TAOK3: variants seen among roughly 807,000 people sequenced by gnomAD.
The protein encoded by TAOK3 is TAO kinase 3.
A neutral mutation model predicts 120.4 loss-of-function variants in TAOK3; 40 were observed. That is an observed-to-expected ratio of 0.33 (90% confidence interval 0.26 to 0.43). The LOEUF (loss-of-function observed/expected upper bound fraction) is 0.43, where lower values mean the gene tolerates loss of function less well. Among genes scored for constraint, TAOK3 ranks in the 20% least tolerant of loss-of-function variants. The pLI is 1.00. For missense variants in TAOK3, 821 were observed against 1,112.1 expected (o/e 0.74, Z 3.72); for synonymous variants, 355 against 387.5 (o/e 0.92, Z 0.99).
intron 14 of TAOK3, among the ~76,000 whole-genome samples, chr12:118,182,382 C>G (rs943437451): frequency 2.0e-5 from 3 of 151,780 alleles, no homozygotes; most frequent in Admixed American, 6.6e-5. Flanking sequence ...CTACTGACAA[C>G]GAGCCCGATA....
At chr12:118,280,863 CTGATT>C (rs1475844950) in intron 1 of TAOK3, among the ~76,000 whole-genome samples, 3 of 152,150 alleles carry the variant, frequency 2.0e-5, no homozygotes, top group Non-Finnish European at 4.4e-5. Flanking sequence ...TTTGTCATCT[CTGATT>C]TATTTAAGCA....
At chr12:118,153,122 C>A (rs1030683461) in intron 19 of TAOK3, among the ~76,000 whole-genome samples, 2 of 152,194 alleles carry the variant, frequency 1.3e-5, no homozygotes, top group Non-Finnish European at 2.9e-5. Flanking sequence ...GGTTCAAAAT[C>A]TCTTCCCTGG....
chr12:118,309,940 C>T (rs1443830939), intron 1 of TAOK3, among the ~76,000 whole-genome samples: 1 of 151,976 alleles, frequency 6.6e-6, no homozygotes, highest in Non-Finnish European at 1.5e-5. Context: ...CTTATTCTTT[C>T]CCCCCATAGG....
chr12:118,369,875 C>T (rs890302993), intron 1 of TAOK3, among the ~76,000 whole-genome samples: 6 of 152,034 alleles, frequency 3.9e-5, no homozygotes, highest in Non-Finnish European at 7.4e-5. Context: ...TTCTAGTTAG[C>T]GGAATTTTTT....
At chr12:118,345,232 T>A (rs1053017385) in intron 1 of TAOK3, among the ~76,000 whole-genome samples, 7 of 152,208 alleles carry the variant, frequency 4.6e-5, no homozygotes, top group African/African-American at 1.7e-4. Context: ...TAAAAAATGA[T>A]ACAAAGTAGA....
intron 2 of TAOK3, among the ~76,000 whole-genome samples, chr12:118,265,245 C>T (rs71452642): frequency 0.11 from 16,125 of 151,576 alleles, 1,167 homozygotes; most frequent in South Asian, 0.18. Context: ...AAAAACTAGC[C>T]GGGCATGGTG....
chr12:118,322,502 A>C (rs556953246), intron 1 of TAOK3, among the ~76,000 whole-genome samples: 1 of 152,024 alleles, frequency 6.6e-6, no homozygotes, highest in Non-Finnish European at 1.5e-5. Flanking sequence ...AAGCTCCTGT[A>C]ATCTTTTAGG....
intron 11 of TAOK3, among the ~76,000 whole-genome samples, chr12:118,205,696 T>C (rs1033800411): frequency 4.6e-5 from 7 of 152,154 alleles, no homozygotes; most frequent in Non-Finnish European, 1.0e-4. Context: ...CTGCAAACTC[T>C]GCCTCCCAGG....
chr12:118,311,089 T>C lies in TAOK3; in HGVS notation c.-193-44330A>G, dbSNP rs1204524180. 2.0e-5 allele frequency among the ~76,000 whole-genome samples: 3 copies of C among 152,068 alleles called. No individual in the cohort carries two copies. In the East Asian group the frequency reaches 5.8e-4, roughly 29 times the overall value. ...ATTAATGAACTGTGTCCAGCAAAGG[T>C]TTATACTGGCCTTTCCTTCAAAATT... On this transcript the variant is annotated intron_variant, in intron 1 of 20. Coordinates refer to ENST00000392533, the MANE Select transcript of TAOK3 (RefSeq NM_016281.4).
chr12:118,259,927 A>G (rs1034915280), intron 2 of TAOK3, among the ~76,000 whole-genome samples: 14 of 152,146 alleles, frequency 9.2e-5, no homozygotes, highest in Admixed American at 8.5e-4. Flanking sequence ...ACCTTAGACC[A>G]GGGGAAAAAA....
intron 13 of TAOK3, chr12:118,198,299 A>G (rs1286255347): frequency 6.6e-6 from 1 of 151,820 alleles, no homozygotes; most frequent in Non-Finnish European, 1.5e-5. Context: ...ATTTCTGCTT[A>G]AATGTCACCT....
chr12:118,189,222 A>C (rs751840073), intron 14 of TAOK3, among the ~76,000 whole-genome samples: 3 of 152,192 alleles, frequency 2.0e-5, no homozygotes, highest in Non-Finnish European at 4.4e-5. Context: ...AATGAACCAG[A>C]AGGAACCAGC....
At chr12:118,266,498 G>A (rs1451616640) in intron 2 of TAOK3, among the ~76,000 whole-genome samples, 157 bp downstream of exon 2, 3 of 151,796 alleles carry the variant, frequency 2.0e-5, no homozygotes, top group Non-Finnish European at 1.5e-5. Context: ...CACCGCACCC[G>A]GCCAAAGATT....
chr12:118,246,605 C>T (rs1392167460), intron 3 of TAOK3: 14 of 1,573,044 alleles, frequency 8.9e-6, no homozygotes, highest in African/African-American at 1.4e-5. Flanking sequence ...GGAACAAGAT[C>T]GGCAAGCCCC....
At chr12:118,356,177 T>C (rs2045382213) in intron 1 of TAOK3, among the ~76,000 whole-genome samples, 1 of 152,148 alleles carries the variant, frequency 6.6e-6, no homozygotes, top group African/African-American at 2.4e-5. Flanking sequence ...TGAAGGAGAA[T>C]GGGACACTAC....
intron 1 of TAOK3, among the ~76,000 whole-genome samples, chr12:118,357,673 C>A (rs921941313): frequency 5.9e-5 from 9 of 152,288 alleles, no homozygotes; most frequent in African/African-American, 2.2e-4. Flanking sequence ...TCTGTCATCA[C>A]GAAGCACCAC....
intron 1 of TAOK3, among the ~76,000 whole-genome samples, chr12:118,343,574 C>G (rs2044723229): frequency 6.6e-6 from 1 of 151,988 alleles, no homozygotes; most frequent in Non-Finnish European, 1.5e-5. Context: ...GTATGGGGTG[C>G]ACCTGCAAAC....
Position 118,371,717 on chromosome 12 carries a change from C to T in TAOK3, c.-194+931G>A, listed in dbSNP as rs2045900124. 6.6e-6 allele frequency among the ~76,000 whole-genome samples: 1 copy of T among 152,170 alleles called. No homozygotes were observed. Among genetic ancestry groups the T allele is most frequent in the South Asian group, 2.1e-4 (1 of 4,832 alleles). Reference sequence around the variant, plus strand: ...GGCTCCCGCAACTCAGCGGGCGCGACCCCCCGCCCGCTCCCTCGCTGCTCA... The same window carrying T: ...GGCTCCCGCAACTCAGCGGGCGCGATCCCCCGCCCGCTCCCTCGCTGCTCA... On this transcript the variant is annotated intron_variant, in intron 1 of 20. Transcript: ENST00000392533. This position sits in a 1 kb window ranked among gnomAD's most constrained non-coding sequence, Gnocchi z 5.5.
chr12:118,355,783 T>C (rs561620611), intron 1 of TAOK3, among the ~76,000 whole-genome samples: 4 of 152,322 alleles, frequency 2.6e-5, no homozygotes, highest in African/African-American at 9.6e-5. Context: ...TCCTTTACAG[T>C]GTGTGGCCAA....
Sources: allele counts gnomAD v4.1 joint callset (sites outside exome capture counted in the v4.1 genomes callset), GRCh38; gene constraint gnomAD v4.1.1; non-coding constraint Gnocchi (gnomAD v3.1); transcripts MANE v1.5; gene names NCBI Gene and HGNC (gene_info 2026-07-23, HGNC 2026-07-21).